CAMK2A: variants seen among roughly 807,000 people sequenced by gnomAD.
The protein encoded by CAMK2A is calcium/calmodulin-dependent protein kinase type II subunit alpha.
A neutral mutation model predicts 79.2 loss-of-function variants in CAMK2A; 7 were observed. That is an observed-to-expected ratio of 0.09 (90% confidence interval 0.05 to 0.17). The LOEUF (loss-of-function observed/expected upper bound fraction) is 0.17. Among genes scored for constraint, CAMK2A ranks in the 10% least tolerant of loss-of-function variants. The pLI is 1.00. For missense variants in CAMK2A, 214 were observed against 646.4 expected, an observed-to-expected ratio of 0.33 and a Z score of 7.25; for synonymous variants, 242 against 251.7, an observed-to-expected ratio of 0.96 and a Z score of 0.36.
In CAMK2A at chr5:150,256,744, C is replaced by G. The variant is rs1331167503; in HGVS notation, c.338+22G>C. On this transcript the variant is annotated intron_variant, in intron 5 of 18. Coordinates refer to ENST00000671881, the MANE Select transcript of CAMK2A (RefSeq NM_015981.4). This position sits in a 1 kb window ranked among gnomAD's most constrained non-coding sequence, Gnocchi z 4.6. Reference sequence around the variant, plus strand: ...AGTGCCCTGTCCCCGGGTGCCATTGCCAGGCAGCACCTGACACTCACCTGG... The same window carrying G: ...AGTGCCCTGTCCCCGGGTGCCATTGGCAGGCAGCACCTGACACTCACCTGG... The G allele has an allele frequency of 6.2e-7, 1 of 1,611,352 alleles. No individual in the cohort carries two copies. The highest frequency in any genetic ancestry group is 1.7e-5 in the Admixed American group (1 of 60,002).
Position 150,222,005 on chromosome 5 carries a change from A to C in CAMK2A, c.*705T>G. On this transcript the variant is annotated 3_prime_UTR_variant, in exon 19 of 19. Transcript: ENST00000671881. ...AGATTCCCTCTCTGAGATACGACAA[A>C]GCTGGAATTCTCCAGGGATGACGGG... 5.3e-6 allele frequency: 1 copy of C among 190,214 alleles called. No individual in the cohort carries two copies. The highest frequency in any genetic ancestry group is 1.2e-4 in the East Asian group (1 of 8,140). The allele number at this position is 190,214 out of a possible 1,614,324, so 11.8% of individuals were successfully genotyped here.
At chr5:150,278,924 G>C (rs1294420779) in intron 1 of CAMK2A, among the ~76,000 whole-genome samples, 1 of 152,174 alleles carries the variant, frequency 6.6e-6, no homozygotes, top group East Asian at 1.9e-4. Context: ...TAGGCAGGGA[G>C]GGGTGTGTGG....
intron 12 of CAMK2A, among the ~76,000 whole-genome samples, chr5:150,247,225 C>G (rs1580917852): frequency 6.6e-6 from 1 of 152,254 alleles, no homozygotes; most frequent in Non-Finnish European, 1.5e-5. Flanking sequence ...TTTGGTCAAA[C>G]CTGTGCTGAA....
rs115800014 is a variant in CAMK2A, at chr5:150,276,872, G to A, written c.63-3713C>T. Among the ~76,000 whole-genome samples, 1,094 of 152,248 alleles carry A rather than the reference G, an allele frequency of 7.2e-3. 7 individuals are homozygous for A. Among genetic ancestry groups the A allele is most frequent in the Non-Finnish European group, 0.011 (771 of 68,014 alleles). On this transcript the variant is annotated intron_variant, in intron 1 of 18. Transcript: ENST00000671881. ...TTAGAGAGGCAAAACTCCATTCTAG[G>A]TAAAGACCTTAGATCAGTGATTATC...
rs373456869 is a variant in CAMK2A at position 150,222,006 on chromosome 5, G to T, written c.*704C>A. 28 of 191,232 alleles carry T rather than the reference G, an allele frequency of 1.5e-4. No individual in the cohort carries two copies. The East Asian group carries it at 1.8e-3, about 12-fold the overall frequency. 11.8% of individuals were successfully genotyped at this position (191,232 alleles called of 1,614,324 possible). The stretch of plus-strand genomic sequence containing the variant: ...GATTCCCTCTCTGAGATACGACAAA[G>T]CTGGAATTCTCCAGGGATGACGGGG... On this transcript the variant is annotated 3_prime_UTR_variant, in exon 19 of 19. Coordinates refer to ENST00000671881, the MANE Select transcript of CAMK2A (RefSeq NM_015981.4).
intron 11 of CAMK2A, 44 bp from the exon 12 acceptor site, chr5:150,247,858 G>A: frequency 6.4e-7 from 1 of 1,571,404 alleles, no homozygotes; most frequent in Non-Finnish European, 8.7e-7. Flanking sequence ...AGGCCGGAGT[G>A]AAGGGACCCA....
At chr5:150,251,952 G>A in intron 8 of CAMK2A, 30 bp downstream of exon 8, 1 of 1,602,374 alleles carries the variant, frequency 6.2e-7, no homozygotes, top group Non-Finnish European at 8.5e-7. Context: ...GTGCAGCCAG[G>A]GGCACAAAAG....
At chr5:150,243,696 A>C (rs1346807746) in intron 13 of CAMK2A, among the ~76,000 whole-genome samples, 3 of 152,252 alleles carry the variant, frequency 2.0e-5, no homozygotes, top group Admixed American at 1.3e-4. Flanking sequence ...TGTGTATTAC[A>C]TACCAGCACC....
chr5:150,257,435 G>C, intron 4 of CAMK2A, 128 bp downstream of exon 4: 3 of 757,642 alleles, frequency 4.0e-6, no homozygotes, highest in South Asian at 3.1e-5. Flanking sequence ...TGCTTGGGTG[G>C]CAGGCCCACC....
rs373285975 is a variant in CAMK2A, at chr5:150,289,664, G to A, written c.-39C>T. ...AGGCAGGTGAGGCTTGGGACTGGGG[G>A]ACCAGGACTGAGGCGCTGCTGCTCT... On this transcript the variant is annotated 5_prime_UTR_variant, in exon 1 of 19. Transcript: ENST00000671881. The A allele has an allele frequency of 1.9e-6, 3 of 1,554,782 alleles. No individual in the cohort carries two copies. The highest frequency in any genetic ancestry group is 2.7e-6 in the Non-Finnish European group (3 of 1,127,978).
intron 11 of CAMK2A, among the ~76,000 whole-genome samples, chr5:150,249,689 A>G (rs1466008809): frequency 6.6e-6 from 1 of 152,044 alleles, no homozygotes; most frequent in Non-Finnish European, 1.5e-5. Context: ...CTGGGATTAC[A>G]GGTATGTGCC....
intron 13 of CAMK2A, among the ~76,000 whole-genome samples, chr5:150,243,014 G>A (rs929691805): frequency 5.9e-5 from 9 of 152,228 alleles, no homozygotes; most frequent in African/African-American, 1.2e-4. Flanking sequence ...AAGCAGTGAC[G>A]CTTTGTTCAG....
chr5:150,288,250 CAT>C (rs1024487446), intron 1 of CAMK2A, among the ~76,000 whole-genome samples: 2 of 152,160 alleles, frequency 1.3e-5, no homozygotes, highest in African/African-American at 2.4e-5. Flanking sequence ...ACCTCACACA[CAT>C]GTGCCTTCCT....
At chr5:150,254,709 C>T (rs933475911) in intron 6 of CAMK2A, among the ~76,000 whole-genome samples, 2 of 152,204 alleles carry the variant, frequency 1.3e-5, no homozygotes, top group Non-Finnish European at 2.9e-5. Context: ...GATCCCGATG[C>T]TGCCCACCTC....
intron 2 of CAMK2A, among the ~76,000 whole-genome samples, chr5:150,270,254 G>A (rs150180535): frequency 2.0e-5 from 3 of 152,344 alleles, no homozygotes; most frequent in East Asian, 3.9e-4. Context: ...CCAACTTCAT[G>A]GGTGGAACTC....
chr5:150,224,945 G>A (rs1754518709), intron 17 of CAMK2A, among the ~76,000 whole-genome samples: 1 of 151,968 alleles, frequency 6.6e-6, no homozygotes, highest in African/African-American at 2.4e-5. Flanking sequence ...TGGACTGCGT[G>A]AGCCCAGGAG....
At chr5:150,276,938 A>C (rs535510008) in intron 1 of CAMK2A, among the ~76,000 whole-genome samples, 1 of 152,324 alleles carries the variant, frequency 6.6e-6, no homozygotes, top group East Asian at 1.9e-4. Context: ...TCTTTAAAAA[A>C]AAAGATTCTG....
Position 150,222,431 on chromosome 5 carries a change from G to T in CAMK2A, c.*279C>A. ...CAGGCGGACAGCAGCTGAGGCTGGG[G>T]AGAGGGGGCCAGTGCTGTGGACACC... On this transcript the variant is annotated 3_prime_UTR_variant, in exon 19 of 19. Transcript: ENST00000671881. 1 of 688,144 alleles carries T rather than the reference G, an allele frequency of 1.5e-6. No homozygotes were observed. Among genetic ancestry groups the T allele is most frequent in the Middle Eastern group, 3.0e-4 (1 of 3,298 alleles). 42.6% of individuals were successfully genotyped at this position (688,144 alleles called of 1,614,324 possible).
chr5:150,285,274 G>T (rs1390713886), intron 1 of CAMK2A, among the ~76,000 whole-genome samples: 3 of 152,194 alleles, frequency 2.0e-5, no homozygotes, highest in Non-Finnish European at 2.9e-5. Flanking sequence ...CTGTAAGATG[G>T]ATGAGTAAGC....
Sources: gnomAD v4.1 joint callset for allele counts (sites outside exome capture counted in the v4.1 genomes callset) on GRCh38, gnomAD v4.1.1 for gene constraint, Gnocchi (gnomAD v3.1) non-coding constraint, MANE v1.5 for transcripts, NCBI Gene and HGNC (gene_info 2026-07-23, HGNC 2026-07-21) for gene names.